RMDN2: variants seen among roughly 807,000 people sequenced by gnomAD.
RMDN2 encodes regulator of microtubule dynamics protein 2.
A neutral mutation model predicts 52.8 loss-of-function variants in RMDN2; 61 were observed. The ratio of observed to expected loss-of-function variants is 1.16; its 90% CI spans 0.94 to 1.43. The LOEUF (loss-of-function observed/expected upper bound fraction) is 1.43. RMDN2 is among the 40% of genes most tolerant of loss of function. The probability of loss-of-function intolerance (pLI) is 0.00; values close to 1 mark genes in which losing one functional copy is unlikely to be tolerated. For missense variants in RMDN2, 592 were observed against 475.3 expected (o/e 1.25, Z -2.28); for synonymous variants, 180 against 153.1 (o/e 1.18, Z -1.30).
At chr2:37,956,615 T>G (rs1033704509) in intron 2 of RMDN2, among the ~76,000 whole-genome samples, 1 of 152,056 alleles carries the variant, frequency 6.6e-6, no homozygotes, top group African/African-American at 2.4e-5. Flanking sequence ...ATATTTCGAT[T>G]TAGGTTGTTG....
chr2:37,935,142 A>T (rs1197616277), intron 2 of RMDN2, among the ~76,000 whole-genome samples: 2 of 152,226 alleles, frequency 1.3e-5, no homozygotes, highest in African/African-American at 2.4e-5. Context: ...AGTACTGATT[A>T]TTCGAAAATA....
intron 2 of RMDN2, among the ~76,000 whole-genome samples, chr2:37,953,808 C>G (rs989048722): frequency 1.3e-5 from 2 of 151,994 alleles, no homozygotes; most frequent in Non-Finnish European, 2.9e-5. Flanking sequence ...ACATTTGCAC[C>G]AGGAGTGTAG....
chr2:37,957,256 A>G (rs1669598567), intron 2 of RMDN2, among the ~76,000 whole-genome samples: 2 of 152,236 alleles, frequency 1.3e-5, no homozygotes, highest in Admixed American at 6.5e-5. Context: ...TGGTTGAACT[A>G]ATTTACACTC....
chr2:38,047,676 C>G (rs1354723197), intron 10 of RMDN2, among the ~76,000 whole-genome samples: 2 of 152,120 alleles, frequency 1.3e-5, no homozygotes, highest in East Asian at 3.8e-4. Context: ...CTAAATATTG[C>G]ATTCTTTTCT....
At chr2:37,951,266 T>C in intron 2 of RMDN2, 1 of 1,601,516 alleles carries the variant, frequency 6.2e-7, no homozygotes, top group Non-Finnish European at 8.5e-7. Context: ...TCCAACGATG[T>C]TCTCCAGAAG....
rs142222765 is a variant in RMDN2 at position 37,951,580 on chromosome 2, C to A, written c.452+21851C>A. On this transcript the variant is annotated intron_variant, in intron 2 of 10. Coordinates refer to ENST00000354545, the MANE Select transcript of RMDN2 (RefSeq NM_001170791.3). ...TCAGACCATTGTGGTAGCTTTATTTCCCGCAGAAGACGTTTCTCATCCCGT... is the reference window on the plus strand; with the variant it reads ...TCAGACCATTGTGGTAGCTTTATTTACCGCAGAAGACGTTTCTCATCCCGT... The A allele has an allele frequency of 2.5e-6, 4 of 1,612,952 alleles. No homozygotes were observed. In the African/African-American group the frequency reaches 5.3e-5, roughly 22 times the overall value.
At chr2:37,994,894 A>G (rs932039871) in intron 7 of RMDN2, among the ~76,000 whole-genome samples, 2 of 152,232 alleles carry the variant, frequency 1.3e-5, no homozygotes, top group African/African-American at 4.8e-5. Flanking sequence ...CATTATGCCG[A>G]GAAAGCTCAC....
At chr2:37,938,844 C>T (rs1178944541) in intron 2 of RMDN2, among the ~76,000 whole-genome samples, 1 of 152,120 alleles carries the variant, frequency 6.6e-6, no homozygotes, top group Non-Finnish European at 1.5e-5. Context: ...TTTCAAAACA[C>T]CAGCTCCTGG....
chr2:38,007,432 G>A (rs1037664731), intron 10 of RMDN2, among the ~76,000 whole-genome samples: 5 of 152,174 alleles, frequency 3.3e-5, no homozygotes, highest in Non-Finnish European at 5.9e-5. Flanking sequence ...GTTTAGTCTT[G>A]GGAGGGTGTA....
intron 10 of RMDN2, among the ~76,000 whole-genome samples, chr2:38,055,771 T>A (rs1681836100): frequency 6.6e-6 from 1 of 152,132 alleles, no homozygotes; most frequent in Admixed American, 6.5e-5. Context: ...ACCTTCCCCT[T>A]GCAACTCATC....
At chr2:38,020,894 G>A (rs1029504135), downstream of RMDN2, among the ~76,000 whole-genome samples, 2 of 152,194 alleles carry the variant, frequency 1.3e-5, no homozygotes, top group Non-Finnish European at 1.5e-5. Flanking sequence ...TGAGGAGTGC[G>A]GCGCACGGTA....
At chr2:37,946,005 G>A (rs941232136) in intron 2 of RMDN2, among the ~76,000 whole-genome samples, 1 of 152,156 alleles carries the variant, frequency 6.6e-6, no homozygotes. Context: ...AATTCCATTT[G>A]AATACCTTTT....
chr2:38,063,477 A>G (rs1452652413), intron 10 of RMDN2, among the ~76,000 whole-genome samples: 2 of 152,222 alleles, frequency 1.3e-5, no homozygotes, highest in Admixed American at 1.3e-4. Flanking sequence ...AATACCATTC[A>G]GGACATAGGC....
chr2:37,941,320 A>G (rs552381506), intron 2 of RMDN2, among the ~76,000 whole-genome samples: 1 of 152,166 alleles, frequency 6.6e-6, no homozygotes, highest in Non-Finnish European at 1.5e-5. Flanking sequence ...CCTGTGCGAG[A>G]TGTCTGTTGA....
At chr2:38,045,003 TA>T (rs1573224118) in intron 10 of RMDN2, among the ~76,000 whole-genome samples, 1 of 145,686 alleles carries the variant, frequency 6.9e-6, no homozygotes, top group Non-Finnish European at 1.5e-5. Context: ...TTATTCTAGA[TA>T]TTTTTTTTTT....
intron 10 of RMDN2, among the ~76,000 whole-genome samples, chr2:38,009,595 C>G (rs1677646398): frequency 6.6e-6 from 1 of 152,164 alleles, no homozygotes; most frequent in Admixed American, 6.5e-5. Context: ...GTTGATTATT[C>G]TAGTTAGCCA....
chr2:37,999,915 C>T (rs537909401), intron 8 of RMDN2, among the ~76,000 whole-genome samples: 1 of 152,226 alleles, frequency 6.6e-6, no homozygotes, highest in South Asian at 2.1e-4. Flanking sequence ...TTCCTTAGTT[C>T]TCCCACTCTC....
intron 2 of RMDN2, among the ~76,000 whole-genome samples, chr2:37,947,256 A>G (rs1292700890): frequency 6.6e-6 from 1 of 152,114 alleles, no homozygotes; most frequent in Admixed American, 6.6e-5. Flanking sequence ...CCATGTGTAC[A>G]CATTATTTAG....
At chr2:38,055,544 T>C (rs969382575) in intron 10 of RMDN2, among the ~76,000 whole-genome samples, 3 of 152,190 alleles carry the variant, frequency 2.0e-5, no homozygotes, top group Non-Finnish European at 4.4e-5. Flanking sequence ...ACTTAATGGC[T>C]TGATGACCCC....
Sources: gnomAD v4.1 joint callset for allele counts (sites outside exome capture counted in the v4.1 genomes callset) on GRCh38, gnomAD v4.1.1 for gene constraint, MANE v1.5 for transcripts, NCBI Gene and HGNC (gene_info 2026-07-23, HGNC 2026-07-21) for gene names.